Variants in DLGAP2 observed in about 807,000 individuals in gnomAD.
DLGAP2 encodes disks large-associated protein 2.
Under a neutral mutation model 100.3 loss-of-function variants are expected in DLGAP2, and 26 were observed. That is an observed-to-expected ratio of 0.26 (90% CI 0.19 to 0.36). The LOEUF (loss-of-function observed/expected upper bound fraction) is 0.36. DLGAP2 is among the 10% of genes least tolerant of loss of function. The pLI is 1.00. For missense variants in DLGAP2, 1,858 were observed against 1,453.2 expected, an observed-to-expected ratio of 1.28 and a Z score of -4.53; for synonymous variants, 886 against 630.1, an observed-to-expected ratio of 1.41 and a Z score of -6.08.
chr8:1,167,581 C>G (rs573392727), intron 2 of DLGAP2, among the ~76,000 whole-genome samples: 8 of 152,264 alleles, frequency 5.3e-5, no homozygotes, highest in South Asian at 2.1e-4. Context: ...TCATAAGTGG[C>G]CCACATTGAG....
intron 5 of DLGAP2, among the ~76,000 whole-genome samples, chr8:1,554,606 GC>G: frequency 6.6e-6 from 1 of 152,224 alleles, no homozygotes; most frequent in Middle Eastern, 3.4e-3. Context: ...GTCCCGCTTT[GC>G]CCCTGTATCT....
chr8:1,500,773 C>T (rs2130320117), intron 3 of DLGAP2, among the ~76,000 whole-genome samples: 1 of 152,362 alleles, frequency 6.6e-6, no homozygotes, highest in African/African-American at 2.4e-5. Context: ...ACAGATCGAA[C>T]AATGGAAAAT....
At chr8:1,521,091 C>T (rs1800580140) in intron 4 of DLGAP2, among the ~76,000 whole-genome samples, 1 of 152,048 alleles carries the variant, frequency 6.6e-6, no homozygotes, top group African/African-American at 2.4e-5. Context: ...ATTTGGAATA[C>T]TCGGGCGGGA....
At chr8:1,068,861 A>G (rs182792992) in intron 2 of DLGAP2, among the ~76,000 whole-genome samples, 13 of 152,236 alleles carry the variant, frequency 8.5e-5, no homozygotes, top group Non-Finnish European at 1.3e-4. Flanking sequence ...TTTATCAAGA[A>G]GATGCTTCTA....
At chr8:1,104,274 C>T (rs1804681677) in intron 2 of DLGAP2, among the ~76,000 whole-genome samples, 1 of 151,980 alleles carries the variant, frequency 6.6e-6, no homozygotes, top group Non-Finnish European at 1.5e-5. Context: ...TGACGCCAGC[C>T]CAGTAAAAAG....
At chr8:1,609,661 C>A (rs1010978335) in intron 6 of DLGAP2, among the ~76,000 whole-genome samples, 3 of 111,626 alleles carry the variant, frequency 2.7e-5, no homozygotes, top group African/African-American at 6.2e-5. Context: ...TGCAGAGACA[C>A]ACATAGGCTC....
intron 2 of DLGAP2, among the ~76,000 whole-genome samples, chr8:1,209,164 A>G (rs1357475095): frequency 1.3e-5 from 2 of 152,158 alleles, no homozygotes; most frequent in Admixed American, 1.3e-4. Flanking sequence ...TAAAATTCAT[A>G]TGGAACCAAA....
At chr8:1,677,463 G>T (rs993557660) in intron 11 of DLGAP2, among the ~76,000 whole-genome samples, 2 of 152,164 alleles carry the variant, frequency 1.3e-5, no homozygotes, top group Non-Finnish European at 2.9e-5. Flanking sequence ...GCTTCTATGG[G>T]TTCAGCCTGC....
At chr8:1,570,716 G>A (rs1221746362) in intron 6 of DLGAP2, among the ~76,000 whole-genome samples, 28 of 150,298 alleles carry the variant, frequency 1.9e-4, no homozygotes, top group African/African-American at 7.0e-4. Flanking sequence ...GGAGAGGAGA[G>A]AGGGGTAAAC....
intron 3 of DLGAP2, among the ~76,000 whole-genome samples, chr8:1,496,217 A>G (rs1330572462): frequency 4.0e-5 from 6 of 151,194 alleles, no homozygotes; most frequent in Middle Eastern, 3.2e-3. Context: ...GCCTCCCTCC[A>G]TCATCACTCA....
At chr8:899,040 G>C (rs1270082720) in intron 1 of DLGAP2, among the ~76,000 whole-genome samples, 1 of 152,242 alleles carries the variant, frequency 6.6e-6, no homozygotes, top group Non-Finnish European at 1.5e-5. Flanking sequence ...CAGTGGAAGT[G>C]TGAAGACCTC....
chr8:1,692,503 A>G (rs1799278631), intron 13 of DLGAP2, among the ~76,000 whole-genome samples: 1 of 152,120 alleles, frequency 6.6e-6, no homozygotes, highest in African/African-American at 2.4e-5. Flanking sequence ...GGAGGCTGCA[A>G]GGGGGAGTGG....
intron 6 of DLGAP2, among the ~76,000 whole-genome samples, chr8:1,591,688 A>G (rs4410932): frequency 0.76 from 115,050 of 151,536 alleles, 43,866 homozygotes; most frequent in East Asian, 0.92. Flanking sequence ...ACCCAAAGGC[A>G]TGTGTGCAGC....
At chr8:1,147,389 C>G (rs1796626829) in intron 2 of DLGAP2, among the ~76,000 whole-genome samples, 1 of 151,866 alleles carries the variant, frequency 6.6e-6, no homozygotes, top group African/African-American at 2.4e-5. Context: ...TATTATTTAA[C>G]TCTATTTTTT....
chr8:1,651,665 C>A (rs116764154), intron 8 of DLGAP2, among the ~76,000 whole-genome samples: 1,579 of 152,310 alleles, frequency 0.01, 30 homozygotes, highest in African/African-American at 0.036. Flanking sequence ...CCGTTCTCTG[C>A]GTTCACAAAA....
At chr8:792,225 C>T (rs1432855478) in intron 1 of DLGAP2, among the ~76,000 whole-genome samples, 1 of 152,114 alleles carries the variant, frequency 6.6e-6, no homozygotes, top group Admixed American at 6.6e-5. Context: ...ATCACCTTTC[C>T]ATATTCTTTG....
intron 5 of DLGAP2, among the ~76,000 whole-genome samples, chr8:1,553,942 C>G (rs1455542438): frequency 6.6e-6 from 1 of 152,192 alleles, no homozygotes; most frequent in Admixed American, 6.5e-5. Flanking sequence ...CCATCTTTTA[C>G]AAAATGGAGC....
intron 2 of DLGAP2, among the ~76,000 whole-genome samples, chr8:1,021,145 T>A (rs1449700043): frequency 6.6e-6 from 1 of 152,200 alleles, no homozygotes; most frequent in East Asian, 1.9e-4. Flanking sequence ...TTGAGTATAT[T>A]CTTGGGAGTA....
intron 2 of DLGAP2, among the ~76,000 whole-genome samples, chr8:940,352 C>CAG (rs139040145): frequency 0.015 from 2,270 of 148,428 alleles, 27 homozygotes; most frequent in African/African-American, 0.023. Context: ...GGCACAGGGA[C>CAG]AGAGAGAGAG....
Sources: allele counts gnomAD v4.1 joint callset (sites outside exome capture counted in the v4.1 genomes callset), GRCh38; gene constraint gnomAD v4.1.1; transcripts MANE v1.5; gene names NCBI Gene and HGNC (gene_info 2026-07-23, HGNC 2026-07-21).